The following SOX5 variants were observed in gnomAD, a reference collection of about 807,000 sequenced individuals.
The protein encoded by SOX5 is transcription factor SOX-5.
Under a neutral mutation model 92.0 loss-of-function variants are expected in SOX5, and 9 were observed. The ratio of observed to expected loss-of-function variants is 0.10; its 90% CI spans 0.06 to 0.17. The LOEUF (loss-of-function observed/expected upper bound fraction) is 0.17. Among genes scored for constraint, SOX5 ranks in the 10% least tolerant of loss-of-function variants. The pLI is 1.00. For missense variants in SOX5, 642 were observed against 944.5 expected (o/e 0.68, Z 4.20); for synonymous variants, 344 against 336.3 (o/e 1.02, Z -0.25).
intron 4 of SOX5, among the ~76,000 whole-genome samples, chr12:24,110,900 CAAAAAAAAAAAAAAAA>C (rs67100585): frequency 1.0e-3 from 28 of 27,592 alleles, no homozygotes; most frequent in African/African-American, 1.8e-3. Flanking sequence ...GACTCCACTT[CAAAAAAAAAAAAAAAA>C]AAAAAAAAAA....
At chr12:23,626,010 T>C (rs1043385098) in intron 8 of SOX5, among the ~76,000 whole-genome samples, 2 of 151,528 alleles carry the variant, frequency 1.3e-5, no homozygotes, top group African/African-American at 4.9e-5. Flanking sequence ...AGGAAAGTAT[T>C]GAAGAAAATA....
At chr12:23,599,558 C>T (rs1222578398) in intron 9 of SOX5, among the ~76,000 whole-genome samples, 1 of 152,174 alleles carries the variant, frequency 6.6e-6, no homozygotes, top group Non-Finnish European at 1.5e-5. Context: ...CTGTTCTTGG[C>T]TGCTGCAGGC....
intron 2 of SOX5, among the ~76,000 whole-genome samples, chr12:23,860,105 T>C (rs973126573): frequency 2.6e-5 from 4 of 151,948 alleles, no homozygotes; most frequent in African/African-American, 9.7e-5. Flanking sequence ...TAAGAACTTA[T>C]GAACACAGAG....
chr12:24,535,901 C>T (rs1268473758), intron 1 of SOX5, among the ~76,000 whole-genome samples: 1 of 152,066 alleles, frequency 6.6e-6, no homozygotes, highest in African/African-American at 2.4e-5. Flanking sequence ...CCCCACCACC[C>T]TGTGTTCCTT....
At chr12:23,714,476 T>G (rs538790924) in intron 6 of SOX5, among the ~76,000 whole-genome samples, 1 of 152,090 alleles carries the variant, frequency 6.6e-6, no homozygotes, top group African/African-American at 2.4e-5. Flanking sequence ...ACAAAACTTC[T>G]CCAGGCATGG....
intron 6 of SOX5, among the ~76,000 whole-genome samples, chr12:23,681,896 T>C (rs7136653): frequency 0.99 from 150,625 of 151,856 alleles, 74,714 homozygotes; most frequent in East Asian, 1. Flanking sequence ...CATAATAATT[T>C]TTGTTATATC....
chr12:23,861,360 T>C (rs1249940611), intron 2 of SOX5, among the ~76,000 whole-genome samples: 1 of 152,200 alleles, frequency 6.6e-6, no homozygotes, highest in East Asian at 1.9e-4. Flanking sequence ...AGTATTTTCA[T>C]TCCCATTAAG....
At chr12:24,028,413 C>G (rs1420859758) in intron 4 of SOX5, among the ~76,000 whole-genome samples, 2 of 151,890 alleles carry the variant, frequency 1.3e-5, no homozygotes, top group African/African-American at 4.8e-5. Flanking sequence ...AGTAATATAT[C>G]AAATATCTAA....
chr12:24,233,098 C>T (rs1172889484), intron 3 of SOX5, among the ~76,000 whole-genome samples: 1 of 152,122 alleles, frequency 6.6e-6, no homozygotes, highest in Non-Finnish European at 1.5e-5. Context: ...GCATAGATTT[C>T]ACAGCTGTTC....
Position 23,837,811 on chromosome 12 carries a change from C to CTATATTTATATTTATATAATATATAAGA in SOX5, c.481+8144_481+8171dup, listed in dbSNP as rs1350821513. ...TATTTATATTTATATAATATATAAGCTATATTTATATTTATATAATATATA... is the reference window on the plus strand; with the variant it reads ...TATTTATATTTATATAATATATAAGCTATATTTATATTTATATAATATATAAGATATATTTATATTTATATAATATATA... On this transcript the variant is annotated intron_variant, in intron 3 of 14. Transcript: ENST00000451604. 1.5e-3 allele frequency among the ~76,000 whole-genome samples: 33 copies of CTATATTTATATTTATATAATATATAAGA among 21,708 alleles called. 11 individuals carry two copies. The highest frequency in any genetic ancestry group is 1.6e-3 in the Non-Finnish European group (22 of 13,764). 14.2% of individuals were successfully genotyped at this position (21,708 alleles called of 152,430 possible).
intron 9 of SOX5, 109 bp from the exon 10 acceptor site, chr12:23,575,947 C>A (rs1949038713): frequency 1.3e-6 from 1 of 774,504 alleles, no homozygotes; most frequent in Non-Finnish European, 2.0e-6. Flanking sequence ...CTCTACCAAT[C>A]AGTGATCTTA....
intron 1 of SOX5, among the ~76,000 whole-genome samples, chr12:24,539,704 C>A (rs1233040481): frequency 6.6e-6 from 1 of 151,980 alleles, no homozygotes; most frequent in East Asian, 1.9e-4. Context: ...TCCTTAATTT[C>A]CTACATATTT....
chr12:23,542,510 C>T (rs1942293475), intron 13 of SOX5, among the ~76,000 whole-genome samples: 1 of 152,160 alleles, frequency 6.6e-6, no homozygotes, highest in South Asian at 2.1e-4. Flanking sequence ...CACCCTTTCT[C>T]CCCAACCATT....
At chr12:24,376,410 C>A (rs959213109) in intron 1 of SOX5, among the ~76,000 whole-genome samples, 1 of 152,090 alleles carries the variant, frequency 6.6e-6, no homozygotes, top group African/African-American at 2.4e-5. Context: ...TTCCATCCTG[C>A]CCTAATATTT....
chr12:23,606,742 T>C (rs2075303307), intron 8 of SOX5, among the ~76,000 whole-genome samples: 1 of 152,092 alleles, frequency 6.6e-6, no homozygotes. Flanking sequence ...AGACACATAT[T>C]TGGAAATAAA....
chr12:24,030,349 C>T (rs1167334867), intron 4 of SOX5, among the ~76,000 whole-genome samples: 3 of 151,738 alleles, frequency 2.0e-5, no homozygotes, highest in East Asian at 1.9e-4. Flanking sequence ...AAAACAGACA[C>T]GTAGACCAAT....
chr12:23,539,141 C>A (rs1480309223), intron 13 of SOX5, among the ~76,000 whole-genome samples: 2 of 152,074 alleles, frequency 1.3e-5, no homozygotes, highest in Non-Finnish European at 2.9e-5. Context: ...GCCAAAGATT[C>A]TTCCCTAAGT....
chr12:23,925,402 A>G (rs1301010788), intron 1 of SOX5, among the ~76,000 whole-genome samples: 10 of 152,130 alleles, frequency 6.6e-5, no homozygotes, highest in Admixed American at 5.9e-4. Flanking sequence ...GGTCCGTGAC[A>G]TCAACTTCTG....
chr12:23,641,716 G>A (rs934471651), intron 7 of SOX5, among the ~76,000 whole-genome samples: 4 of 151,932 alleles, frequency 2.6e-5, no homozygotes, highest in African/African-American at 7.3e-5. Flanking sequence ...TGTTGCATAG[G>A]GCCCAATAAA....
Sources: gnomAD v4.1 joint callset for allele counts (sites outside exome capture counted in the v4.1 genomes callset) on GRCh38, gnomAD v4.1.1 for gene constraint, MANE v1.5 for transcripts, NCBI Gene and HGNC (gene_info 2026-07-23, HGNC 2026-07-21) for gene names.